Variants in ANO7 observed in about 807,000 individuals in gnomAD.
ANO7 encodes the protein anoctamin-7.
Under a neutral mutation model 115.8 loss-of-function variants are expected in ANO7, and 114 were observed. The observed-to-expected ratio is 0.98, with a 90% CI of 0.85 to 1.15. ANO7 has a LOEUF of 1.15. Ranked by LOEUF, ANO7 falls within the 50% of genes most tolerant of loss-of-function variation. ANO7 has a pLI of 0.00. For missense variants in ANO7, 1,302 were observed against 1,201.2 expected (o/e 1.08, Z -1.24); for synonymous variants, 550 against 498.2 (o/e 1.10, Z -1.38).
chr2:241,226,275 G>A (rs879779132), downstream of ANO7, among the ~76,000 whole-genome samples: 12 of 152,040 alleles, frequency 7.9e-5, no homozygotes, highest in African/African-American at 7.2e-5. Context: ...GACATTGCGC[G>A]AGCTCCATCC....
downstream of ANO7, chr2:241,229,093 CCT>C (rs912258742): frequency 5.0e-5 from 8 of 159,906 alleles, no homozygotes; most frequent in African/African-American, 1.9e-4. Context: ...TTCCTTGCAC[CCT>C]GACACCTGTG....
Position 241,195,810 on chromosome 2 carries a change from G to T in ANO7, c.274G>T (p.Asp92Tyr). The T allele has an allele frequency of 6.2e-7, 1 of 1,614,174 alleles. No homozygotes were observed. Among genetic ancestry groups the T allele is most frequent in the Non-Finnish European group, 8.5e-7 (1 of 1,180,002 alleles). The change falls in exon 4 of 25, where the codon GAT becomes TAT. Residue 92 changes from aspartate to tyrosine, a missense_variant. By Grantham distance (160) the Asp-to-Tyr change is radical (BLOSUM62 -3). Transcript: ENST00000674324. The part of the protein sequence containing the change: ...MHRTWRETFL[D>Y]NLRAAGLCVD... ...CAGGACCTGGCGGGAGACTTTTCTG[G>T]ATAATCTTCGTGCGGCTGGGCTGTG...
rs1193510977 is a variant in ANO7 at position 241,203,165 on chromosome 2, G to A, written c.724-168G>A. Among the ~76,000 whole-genome samples, 11 of 152,074 alleles carry A rather than the reference G, an allele frequency of 7.2e-5. 1 individual carries two copies. The highest frequency in any genetic ancestry group is 1.4e-4 in the African/African-American group (6 of 41,402). On this transcript the variant is annotated intron_variant, in intron 8 of 24. Coordinates refer to ENST00000674324, the MANE Select transcript of ANO7 (RefSeq NM_001370694.2). The surrounding 1 kb of genome is among the most constrained non-coding windows in gnomAD (Gnocchi z 4.8). ...GTCCCCTCCTCAGAGAGGTCCTCCC[G>A]GACCACCCTGTACCCACCCCTCCAC... is the stretch of plus-strand genomic sequence containing the variant.
chr2:241,232,758 G>A, the ANO7 span, among the ~76,000 whole-genome samples: 1 of 152,078 alleles, frequency 6.6e-6, no homozygotes, highest in African/African-American at 2.4e-5. Context: ...AGGTTACAGT[G>A]AGCCGAGATC....
chr2:241,226,822 G>A (rs562664114), downstream of ANO7, among the ~76,000 whole-genome samples: 312 of 152,212 alleles, frequency 2.0e-3, 1 homozygote, highest in African/African-American at 7.2e-3. Flanking sequence ...GACTCTTCCC[G>A]TTATCTCCTG....
At chr2:241,233,877 T>C in the ANO7 span, 3 of 1,614,056 alleles carry the variant, frequency 1.9e-6, no homozygotes, top group East Asian at 6.7e-5. The surrounding 1 kb of genome is among the most constrained non-coding windows in gnomAD (Gnocchi z 4.3). Flanking sequence ...CCAACCGGAT[T>C]TGGGTAATTA....
the ANO7 span, chr2:241,239,534 C>A: frequency 7.6e-7 from 1 of 1,323,716 alleles, no homozygotes; most frequent in South Asian, 1.2e-5. The surrounding 1 kb of genome is among the most constrained non-coding windows in gnomAD (Gnocchi z 4.6). Flanking sequence ...GGAGCGAACA[C>A]TCATACACGG....
intron 21 of ANO7, among the ~76,000 whole-genome samples, chr2:241,219,488 A>C (rs1336857611): frequency 6.6e-6 from 1 of 150,756 alleles, no homozygotes; most frequent in Non-Finnish European, 1.5e-5. Context: ...TTTTATTATT[A>C]TTCTTTTGCT....
chr2:241,239,905 T>C, the ANO7 span: 1 of 1,613,740 alleles, frequency 6.2e-7, no homozygotes, highest in Non-Finnish European at 8.5e-7. This position sits in a 1 kb window ranked among gnomAD's most constrained non-coding sequence, Gnocchi z 4.6. Flanking sequence ...CCCTACCAGG[T>C]TTTGGATCAA....
chr2:241,223,015 T>C (rs374551455), intron 21 of ANO7, among the ~76,000 whole-genome samples, 171 bp from the exon 22 acceptor site: 121 of 152,270 alleles, frequency 7.9e-4, no homozygotes, highest in African/African-American at 2.8e-3. Flanking sequence ...TGTCAGAGTA[T>C]CCTGTTTGGG....
intron 21 of ANO7, among the ~76,000 whole-genome samples, chr2:241,221,133 G>A (rs954054161): frequency 1.2e-4 from 18 of 151,024 alleles, no homozygotes; most frequent in African/African-American, 3.6e-4. Flanking sequence ...GTGCAATGGC[G>A]CGATCTTGGC....
intron 19 of ANO7, among the ~76,000 whole-genome samples, chr2:241,216,523 A>C (rs1380779311): frequency 1.3e-5 from 2 of 152,226 alleles, no homozygotes; most frequent in South Asian, 2.1e-4. Flanking sequence ...TGGACCTAGA[A>C]AGCATGGGCC....
chr2:241,240,160 C>A, the ANO7 span: 3 of 1,590,990 alleles, frequency 1.9e-6, no homozygotes, highest in Non-Finnish European at 2.6e-6. This position sits in a 1 kb window ranked among gnomAD's most constrained non-coding sequence, Gnocchi z 5.5. Flanking sequence ...CCTGACACCA[C>A]GTGCCTGGAC....
the ANO7 span, among the ~76,000 whole-genome samples, chr2:241,234,895 A>T: frequency 1.3e-5 from 2 of 152,206 alleles, no homozygotes; most frequent in Non-Finnish European, 2.9e-5. Context: ...TTTACACGGA[A>T]GTCCAACTTT....
At chr2:241,204,544 T>C (rs1456315329) in intron 9 of ANO7, among the ~76,000 whole-genome samples, 2 of 152,036 alleles carry the variant, frequency 1.3e-5, no homozygotes, top group African/African-American at 4.8e-5. Context: ...TCTCTGTCCG[T>C]CCCGGGCAGG....
intron 22 of ANO7, 43 bp from the exon 23 acceptor site, chr2:241,223,619 T>G (rs771580341): frequency 1.2e-6 from 2 of 1,600,974 alleles, no homozygotes; most frequent in African/African-American, 2.7e-5. Flanking sequence ...TGAAGGCCAC[T>G]CTGGGCGTTT....
chr2:241,211,456 GC>G (rs1425912829), intron 15 of ANO7, among the ~76,000 whole-genome samples: 7 of 152,220 alleles, frequency 4.6e-5, no homozygotes, highest in African/African-American at 1.4e-4. Context: ...AAAGCTGGCA[GC>G]CCCACCCTGG....
chr2:241,224,187 G>A lies in ANO7; in HGVS notation c.*34G>A. On this transcript the variant is annotated 3_prime_UTR_variant, in exon 25 of 25. Coordinates refer to ENST00000674324, the MANE Select transcript of ANO7 (RefSeq NM_001370694.2). ...AGGACATCTGGTGGTCCTTAGGGGA[G>A]TGGCCCCTCCTGAGCCCTGCGAGCA... is the stretch of plus-strand genomic sequence containing the variant. The A allele has an allele frequency of 6.2e-7, 1 of 1,612,460 alleles. No homozygotes were observed. Among genetic ancestry groups the A allele is most frequent in the Non-Finnish European group, 8.5e-7 (1 of 1,178,818 alleles).
intron 17 of ANO7, among the ~76,000 whole-genome samples, chr2:241,214,211 G>A (rs1027558308): frequency 6.6e-6 from 1 of 152,234 alleles, no homozygotes; most frequent in East Asian, 1.9e-4. Context: ...CTTGAACCCA[G>A]GAGGTGGAGG....
Sources: gnomAD v4.1 joint callset for allele counts (sites outside exome capture counted in the v4.1 genomes callset) on GRCh38, gnomAD v4.1.1 for gene constraint, Gnocchi (gnomAD v3.1) non-coding constraint, MANE v1.5 for transcripts, NCBI Gene and HGNC (gene_info 2026-07-23, HGNC 2026-07-21) for gene names.